PLLP: variants seen among roughly 807,000 people sequenced by gnomAD.
PLLP encodes plasma membrane proteolipid (plasmolipin).
Under a neutral mutation model 19.7 loss-of-function variants are expected in PLLP, and 15 were observed. The observed-to-expected ratio is 0.76, with a 90% CI of 0.51 to 1.17. PLLP has a LOEUF of 1.17. PLLP is among the 50% of genes most tolerant of loss of function. The pLI is 0.00. For missense variants in PLLP, 255 were observed against 258.3 expected (o/e 0.99, Z 0.09); for synonymous variants, 111 against 116.3 (o/e 0.95, Z 0.29).
intron 1 of PLLP, among the ~76,000 whole-genome samples, chr16:57,276,672 C>T (rs1901158599): frequency 6.6e-6 from 1 of 151,640 alleles, no homozygotes; most frequent in African/African-American, 2.4e-5. Flanking sequence ...GATTGGGGCA[C>T]ATCCAGAAGT....
chr16:57,259,421 A>G (rs1214885885), intron 2 of PLLP, among the ~76,000 whole-genome samples: 1 of 152,292 alleles, frequency 6.6e-6, no homozygotes, highest in Non-Finnish European at 1.5e-5. Context: ...CAAGGCTCTA[A>G]GCAAATGCCA....
chr16:57,259,203 A>G (rs1421162999), intron 2 of PLLP, among the ~76,000 whole-genome samples: 1 of 152,160 alleles, frequency 6.6e-6, no homozygotes, highest in Non-Finnish European at 1.5e-5. Context: ...CCCATTCCTC[A>G]CAGAAAGAGC....
At chr16:57,263,888 C>A (rs1313720911) in intron 1 of PLLP, among the ~76,000 whole-genome samples, 3 of 152,208 alleles carry the variant, frequency 2.0e-5, no homozygotes, top group Non-Finnish European at 4.4e-5. Context: ...CCCTGGTCAG[C>A]GCCCAGGTAC....
chr16:57,274,786 G>A (rs1901127647), intron 1 of PLLP, among the ~76,000 whole-genome samples: 1 of 150,318 alleles, frequency 6.7e-6, no homozygotes, highest in Non-Finnish European at 1.5e-5. Context: ...TTTTGAGATG[G>A]AGTCTTGCTC....
rs1355960203 is a variant in PLLP, at chr16:57,284,489, C to T, written c.52G>A (p.Gly18Ser). ...VSTRTSSPAQ[G>S]AEASVSALRP... ...AGCGCCGACACCGAGGCTTCGGCGC[C>T]CTGCGCAGGACTGCTGGTCCGCGTG... The change falls in exon 1 of 4, where the codon GGC (glycine) becomes AGC (serine). Residue 18 changes from glycine (G) to serine (S), a missense_variant. Coordinates refer to ENST00000219207, the MANE Select transcript of PLLP (RefSeq NM_015993.3). The T allele has an allele frequency of 2.1e-6, 3 of 1,441,930 alleles. No homozygotes were observed. The highest frequency in any genetic ancestry group is 2.7e-6 in the Non-Finnish European group (3 of 1,091,882). 89.3% of individuals were successfully genotyped at this position (1,441,930 alleles called of 1,614,324 possible).
intron 1 of PLLP, among the ~76,000 whole-genome samples, chr16:57,280,055 C>T (rs1450410414): frequency 6.6e-6 from 1 of 152,230 alleles, no homozygotes; most frequent in Non-Finnish European, 1.5e-5. Context: ...TCCTGATCCT[C>T]CTTCTCCCTT....
At chr16:57,264,092 G>T (rs1418327896) in intron 1 of PLLP, among the ~76,000 whole-genome samples, 1 of 152,156 alleles carries the variant, frequency 6.6e-6, no homozygotes, top group Admixed American at 6.5e-5. Context: ...AGCACAGACA[G>T]AGCTGGGGTG....
intron 1 of PLLP, among the ~76,000 whole-genome samples, chr16:57,264,712 G>C (rs1280829543): frequency 1.3e-5 from 2 of 152,178 alleles, no homozygotes; most frequent in Admixed American, 6.5e-5. Flanking sequence ...GCCGAGTGTG[G>C]TGATGGTGCA....
intron 1 of PLLP, among the ~76,000 whole-genome samples, chr16:57,271,521 T>TG (rs879675324): frequency 2.0e-5 from 3 of 151,978 alleles, no homozygotes; most frequent in Admixed American, 2.0e-4. Context: ...GGTGGGCACC[T>TG]GTAATCCCAG....
At chr16:57,263,231 C>T (rs982830193) in intron 1 of PLLP, 7 of 152,300 alleles carry the variant, frequency 4.6e-5, no homozygotes, top group Admixed American at 3.3e-4. Flanking sequence ...TGCCATCTCA[C>T]AGGTGAAACT....
chr16:57,284,084 G>A (rs1211922112), intron 1 of PLLP, among the ~76,000 whole-genome samples: 3 of 152,168 alleles, frequency 2.0e-5, no homozygotes, highest in Non-Finnish European at 4.4e-5. Flanking sequence ...TGTGGCTCCG[G>A]TGGGGGCTTC....
Position 57,266,683 on chromosome 16 carries a change from G to A in PLLP, c.136-4613C>T, listed in dbSNP as rs76383362. 8.1e-3 allele frequency among the ~76,000 whole-genome samples: 1,231 copies of A among 152,072 alleles called. 9 individuals carry two copies. The highest frequency in any genetic ancestry group is 0.019 in the Admixed American group (286 of 15,258). On this transcript the variant is annotated intron_variant, in intron 1 of 3. Transcript: ENST00000219207. ...GCAGGTCTCTCTTGCTTACATGTTCGTCTGTCCCCGTGTTTCTCTGGAGGT... is the reference window on the plus strand; with the variant it reads ...GCAGGTCTCTCTTGCTTACATGTTCATCTGTCCCCGTGTTTCTCTGGAGGT...
rs150274404 is a variant in PLLP at position 57,268,276 on chromosome 16, G to A, written c.136-6206C>T. On this transcript the variant is annotated intron_variant, in intron 1 of 3. Coordinates refer to ENST00000219207, the MANE Select transcript of PLLP (RefSeq NM_015993.3). ...GGAAATGAATAGGTTTTTCTCAGCTGCTCTCTGAATCTGTGGATGGGTGTC... is the reference window on the plus strand; with the variant it reads ...GGAAATGAATAGGTTTTTCTCAGCTACTCTCTGAATCTGTGGATGGGTGTC... Among the ~76,000 whole-genome samples the A allele has an allele frequency of 2.3e-3, 344 of 152,326 alleles. 1 individual carries two copies. The highest frequency in any genetic ancestry group is 0.014 in the Middle Eastern group (4 of 294).
chr16:57,270,612 G>A (rs1462370762), intron 1 of PLLP, among the ~76,000 whole-genome samples: 2 of 152,066 alleles, frequency 1.3e-5, no homozygotes, highest in Admixed American at 6.5e-5. Flanking sequence ...ACTTTATGGG[G>A]ACAAAAAGCC....
At chr16:57,284,161 G>C (rs1387572821) in intron 1 of PLLP, among the ~76,000 whole-genome samples, 1 of 152,158 alleles carries the variant, frequency 6.6e-6, no homozygotes, top group African/African-American at 2.4e-5. Context: ...TCTGTACACG[G>C]TGCAGGGTGC....
intron 1 of PLLP, among the ~76,000 whole-genome samples, chr16:57,271,404 GAGGTCAAGGC>G (rs1404210662): frequency 6.6e-6 from 1 of 151,998 alleles, no homozygotes; most frequent in East Asian, 1.9e-4. Context: ...AGCACTTTGG[GAGGTCAAGGC>G]AGGTGGATCA....
At chr16:57,258,220 G>C (rs7194319) in intron 3 of PLLP, among the ~76,000 whole-genome samples, 13 of 152,132 alleles carry the variant, frequency 8.5e-5, no homozygotes, top group African/African-American at 3.1e-4. Flanking sequence ...AACAGAGCAA[G>C]ATTCCATCTC....
intron 1 of PLLP, among the ~76,000 whole-genome samples, chr16:57,275,270 T>A (rs565811830): frequency 6.6e-6 from 1 of 152,256 alleles, no homozygotes; most frequent in African/African-American, 2.4e-5. Flanking sequence ...TGTTGCATTG[T>A]CTTCTTTGAG....
chr16:57,258,193 C>T (rs1279306057), intron 3 of PLLP, among the ~76,000 whole-genome samples: 1 of 151,944 alleles, frequency 6.6e-6, no homozygotes, highest in African/African-American at 2.4e-5. Flanking sequence ...ATCACGTCAC[C>T]GCACTCCAGC....
Sources: allele counts gnomAD v4.1 joint callset (sites outside exome capture counted in the v4.1 genomes callset), GRCh38; gene constraint gnomAD v4.1.1; transcripts MANE v1.5; gene names NCBI Gene and HGNC (gene_info 2026-07-23, HGNC 2026-07-21).